RPS3A: variants seen among roughly 807,000 people sequenced by gnomAD.
RPS3A encodes ribosomal protein S3A.
RPS3A carries 1 observed loss-of-function variant against 26.4 expected under a neutral mutation model. That is an observed-to-expected ratio of 0.04 (90% CI 0.01 to 0.18). The LOEUF is 0.18. Ranked by LOEUF, RPS3A falls within the 10% of genes least tolerant of loss-of-function variation. RPS3A has a pLI of 1.00. For synonymous variants in RPS3A, 97 were observed against 106.1 expected (o/e 0.91, Z 0.53); for missense variants, 139 against 326.8 (o/e 0.43, Z 4.43).
intron 1 of RPS3A, chr4:151,100,043 G>A (rs1353476828): frequency 8.6e-6 from 5 of 584,146 alleles, no homozygotes; most frequent in Non-Finnish European, 1.6e-5. Context: ...GTTGAGGAAA[G>A]CACCCTTCTA....
At chr4:151,102,571 A>G (rs951190052) in intron 3 of RPS3A, among the ~76,000 whole-genome samples, 4 of 152,112 alleles carry the variant, frequency 2.6e-5, no homozygotes, top group Non-Finnish European at 4.4e-5. Flanking sequence ...TTAAAGGGGT[A>G]TATGTATATG....
intron 1 of RPS3A, chr4:151,100,065 C>T (rs1747050871): frequency 3.6e-6 from 2 of 554,196 alleles, no homozygotes; most frequent in African/African-American, 1.9e-5. Context: ...CCATTCAGGA[C>T]CCGTCAATCT....
At chr4:151,104,361 TC>T in intron 5 of RPS3A, 75 bp downstream of exon 5, 10 of 1,526,732 alleles carry the variant, frequency 6.5e-6, no homozygotes, top group Admixed American at 2.3e-5. Flanking sequence ...TGGGGCCATA[TC>T]ATGGCCTTCT....
At chr4:151,103,256 CTAT>C (rs1747210763) in intron 4 of RPS3A, 177 bp downstream of exon 4, 3 of 1,212,592 alleles carry the variant, frequency 2.5e-6, no homozygotes, top group South Asian at 3.3e-5. Context: ...ATTATTATTA[CTAT>C]TATTATTTGA....
In RPS3A at chr4:151,102,859, T is replaced by G. The variant is rs1277219114; in HGVS notation, c.355-12T>G. 6.2e-7 allele frequency: 1 copy of G among 1,607,428 alleles called. No homozygotes were observed. Among genetic ancestry groups the G allele is most frequent in the East Asian group, 2.2e-5 (1 of 44,804 alleles). ...AAAACCTGTTAAATCTGACGGTATCTTTTTTCTCCAGACAATGATTGAAGC... is the reference window on the plus strand; with the variant it reads ...AAAACCTGTTAAATCTGACGGTATCGTTTTTCTCCAGACAATGATTGAAGC... On this transcript the variant is annotated splice_polypyrimidine_tract_variant and intron_variant, in intron 3 of 5. Transcript: ENST00000274065.
chr4:151,103,368 C>A, intron 4 of RPS3A: 1 of 587,756 alleles, frequency 1.7e-6, no homozygotes, highest in Non-Finnish European at 2.3e-6. Flanking sequence ...GTTCTTGAGC[C>A]TCAGCCTCCT....
At chr4:151,100,855 G>A (rs1420619949) in intron 2 of RPS3A, 120 bp from the exon 3 acceptor site, 7 of 698,270 alleles carry the variant, frequency 1.0e-5, no homozygotes, top group Admixed American at 2.9e-5. Context: ...GGATAGATTT[G>A]ATAACAAAGG....
Position 151,103,611 on chromosome 4 carries a change from C to A in RPS3A, c.563+532C>A, listed in dbSNP as rs146961097. Reference sequence around the variant, plus strand: ...ATGTTTTTCCCCTACTTGGAAAATACACTGAATAAGTTGAGTGGGGTGGGA... The same window carrying A: ...ATGTTTTTCCCCTACTTGGAAAATAAACTGAATAAGTTGAGTGGGGTGGGA... On this transcript the variant is annotated intron_variant, in intron 4 of 5. Coordinates refer to ENST00000274065, the MANE Select transcript of RPS3A (RefSeq NM_001006.5). The A allele has an allele frequency of 1.7e-3, 1,822 of 1,050,306 alleles. 19 individuals carry two copies. In the African/African-American group the frequency reaches 0.027, roughly 16 times the overall value. 65.1% of individuals were successfully genotyped at this position (1,050,306 alleles called of 1,614,324 possible).
chr4:151,102,761 C>A, intron 3 of RPS3A, 110 bp from the exon 4 acceptor site: 1 of 1,215,176 alleles, frequency 8.2e-7, no homozygotes. Context: ...TGTTAGGATA[C>A]TTTATATTTA....
At chr4:151,103,960 T>G in intron 4 of RPS3A, 1 of 1,522,086 alleles carries the variant, frequency 6.6e-7, no homozygotes, top group East Asian at 2.5e-5. Context: ...CAGAAGACTC[T>G]ACTAACTTTG....
At chr4:151,100,282 C>T (rs545757222) in intron 1 of RPS3A, 1 of 557,634 alleles carries the variant, frequency 1.8e-6, no homozygotes, top group East Asian at 3.1e-5. Context: ...GTGGACATAA[C>T]CTTTCAAAGT....
At chr4:151,101,536 T>C (rs1156646268) in intron 3 of RPS3A, among the ~76,000 whole-genome samples, 2 of 152,194 alleles carry the variant, frequency 1.3e-5, no homozygotes, top group Non-Finnish European at 2.9e-5. Context: ...TAGAGCATAA[T>C]TGTGGCAGAG....
chr4:151,103,313 G>C, intron 4 of RPS3A: 1 of 794,992 alleles, frequency 1.3e-6, no homozygotes, highest in Non-Finnish European at 1.7e-6. Context: ...GCAGTATTGT[G>C]ATCCTCCTTG....
intron 1 of RPS3A, chr4:151,099,916 C>T (rs989134359): frequency 5.8e-6 from 4 of 687,244 alleles, no homozygotes; most frequent in Admixed American, 2.0e-5. Context: ...GCCTTCTGGT[C>T]CTTGCGCGCG....
chr4:151,101,278 G>A (rs530915549), intron 3 of RPS3A, 116 bp downstream of exon 3: 7 of 577,240 alleles, frequency 1.2e-5, no homozygotes, highest in South Asian at 8.4e-5. Context: ...CCAGTGAAAT[G>A]TCCACAAAGT....
At chr4:151,100,851 A>AT (rs1220607137) in intron 2 of RPS3A, 124 bp from the exon 3 acceptor site, 2 of 682,638 alleles carry the variant, frequency 2.9e-6, no homozygotes, top group Non-Finnish European at 4.9e-6. Context: ...GTCTGGATAG[A>AT]TTTGATAACA....
At position 151,104,457 on chromosome 4, in the gene RPS3A, T is replaced by TTTTTTTTTTTTTTTTTA; in HGVS notation, c.674-10_674-9insTTTTTTTTTTTATTTTT. The TTTTTTTTTTTTTTTTTA allele has an allele frequency of 7.0e-7, 1 of 1,422,982 alleles. No homozygotes were observed. The highest frequency in any genetic ancestry group is 9.1e-7 in the Non-Finnish European group (1 of 1,094,888). The allele number at this position is 1,422,982 out of a possible 1,614,324, so 88.1% of individuals were successfully genotyped here. A position where few individuals can be genotyped will look rare whatever the true frequency, so the allele number is the denominator to read the frequency against. ...TTTTTTGGTTTTTTTTTTTTTTTTT[T>TTTTTTTTTTTTTTTTTA]TTTTTGCCTTTTAGTGGGAAAGCTC... On this transcript the variant is annotated splice_polypyrimidine_tract_variant and intron_variant, in intron 5 of 5. Transcript: ENST00000274065.
rs552780239 is a variant in RPS3A at position 151,102,718 on chromosome 4, G to T, written c.355-153G>T. 2.2e-5 allele frequency: 21 copies of T among 955,664 alleles called. No individual in the cohort carries two copies. The East Asian group carries it at 2.7e-4, about 12-fold the overall frequency. The allele number at this position is 955,664 out of a possible 1,614,324, so 59.2% of individuals were successfully genotyped here. ...GGGGTAACTTGGTAAGTTCAAGGAA[G>T]TTAATTCTGTAAACTTAAAGAGATG... On this transcript the variant is annotated intron_variant, in intron 3 of 5. Transcript: ENST00000274065.
chr4:151,103,860 A>T (rs758460390), intron 4 of RPS3A: 5 of 1,407,836 alleles, frequency 3.6e-6, no homozygotes, highest in Middle Eastern at 2.0e-4. Flanking sequence ...GTCCCAGATG[A>T]TGGCCAGTGA....
Sources: allele counts gnomAD v4.1 joint callset (sites outside exome capture counted in the v4.1 genomes callset), GRCh38; gene constraint gnomAD v4.1.1; transcripts MANE v1.5; gene names NCBI Gene and HGNC (gene_info 2026-07-23, HGNC 2026-07-21).